Variants in ZNF519 observed in about 807,000 individuals in gnomAD.
ZNF519 encodes zinc finger protein 519.
Under a neutral mutation model 7.4 loss-of-function variants are expected in ZNF519, and 7 were observed. The ratio of observed to expected loss-of-function variants is 0.94; its 90% CI spans 0.54 to 1.77. The LOEUF (loss-of-function observed/expected upper bound fraction) is 1.77, where lower values mean the gene tolerates loss of function less well. Ranked by LOEUF, ZNF519 falls within the 40% of genes most tolerant of loss-of-function variation. The pLI is 0.00. For missense variants in ZNF519, 586 were observed against 623.1 expected (o/e 0.94, Z 0.63); for synonymous variants, 179 against 203.3 (o/e 0.88, Z 1.02).
chr18:14,124,282 C>T (rs1249689524), intron 2 of ZNF519, 68 bp downstream of exon 2: 1 of 1,425,332 alleles, frequency 7.0e-7, no homozygotes, highest in East Asian at 2.5e-5. Context: ...TCTCAAGAGA[C>T]AGTCTACAAA....
chr18:14,119,770 T>C (rs1181093976), intron 2 of ZNF519, among the ~76,000 whole-genome samples: 1 of 152,082 alleles, frequency 6.6e-6, no homozygotes, highest in Non-Finnish European at 1.5e-5. Flanking sequence ...ATACAAATAT[T>C]TGTTGCATTT....
intron 2 of ZNF519, among the ~76,000 whole-genome samples, chr18:14,111,169 T>TA (rs34240654): frequency 0.37 from 33,284 of 90,650 alleles, 5,635 homozygotes; most frequent in South Asian, 0.46. Flanking sequence ...AGTTGTTTTC[T>TA]AAAAAAAAAA....
intron 2 of ZNF519, among the ~76,000 whole-genome samples, chr18:14,086,988 C>G (rs990159416): frequency 2.0e-5 from 3 of 151,976 alleles, no homozygotes; most frequent in Admixed American, 2.0e-4. Context: ...CAAAAATCCT[C>G]ACAAAATACT....
rs574184199 is a variant in ZNF519 at position 14,124,474 on chromosome 18, T to A, written c.6A>T (p.Glu2Asp). M[E>D]LLTFRDVAIE... Reference sequence around the variant, plus strand: ...TGGCCACATCCCTGAATGTTAAGAGTTCCTGGAAACACATATATCAAGTGA... The same window carrying A: ...TGGCCACATCCCTGAATGTTAAGAGATCCTGGAAACACATATATCAAGTGA... The change falls in exon 2 of 3, where the codon GAA (glutamate) becomes GAT (aspartate). Residue 2 changes from glutamate to aspartate, a missense_variant and splice_region_variant. Glu to Asp is a conservative substitution (Grantham distance 45, BLOSUM62 2). Coordinates refer to ENST00000590202, the MANE Select transcript of ZNF519 (RefSeq NM_145287.4). The A allele has an allele frequency of 4.5e-5, 73 of 1,608,598 alleles. No individual in the cohort carries two copies. The African/African-American group carries it at 8.3e-4, about 18-fold the overall frequency.
chr18:14,096,218 T>C (rs553628687), downstream of ZNF519, among the ~76,000 whole-genome samples: 4 of 152,318 alleles, frequency 2.6e-5, no homozygotes, highest in East Asian at 3.9e-4. Flanking sequence ...TCTCTCTCTA[T>C]GCTGCACTGT....
downstream of ZNF519, chr18:14,075,456 A>G (rs34948322): frequency 0.26 from 38,814 of 152,140 alleles, 5,408 homozygotes; most frequent in South Asian, 0.37. Flanking sequence ...AGTGGTGCCA[A>G]TGCACACAGC....
At chr18:14,129,457 C>CT (rs2046318807) in intron 1 of ZNF519, among the ~76,000 whole-genome samples, 1 of 152,040 alleles carries the variant, frequency 6.6e-6, no homozygotes, top group Non-Finnish European at 1.5e-5. Context: ...CTCCTTCACT[C>CT]TAAGCTCTCG....
intron 2 of ZNF519, among the ~76,000 whole-genome samples, chr18:14,108,043 G>A (rs540149219): frequency 3.3e-5 from 5 of 152,144 alleles, no homozygotes; most frequent in Non-Finnish European, 7.3e-5. Flanking sequence ...CAAGCCCTTT[G>A]TAGGATACCA....
intron 3 of ZNF519, among the ~76,000 whole-genome samples, chr18:14,078,542 C>T (rs1221522069): frequency 2.0e-5 from 3 of 152,018 alleles, no homozygotes; most frequent in Non-Finnish European, 4.4e-5. Flanking sequence ...CTAAATTATT[C>T]AAGAGTTTTA....
In ZNF519 at chr18:14,104,883, G is replaced by A. The variant is rs1228232219; in HGVS notation, c.*34C>T. 39 of 1,489,292 alleles carry A rather than the reference G, an allele frequency of 2.6e-5. No individual in the cohort carries two copies. The Admixed American group carries it at 4.3e-4, about 17-fold the overall frequency. 92.3% of individuals were successfully genotyped at this position (1,489,292 alleles called of 1,614,324 possible). A position where few individuals can be genotyped will look rare whatever the true frequency, so the allele number is the denominator to read the frequency against. On this transcript the variant is annotated 3_prime_UTR_variant, in exon 3 of 3. Coordinates refer to ENST00000590202, the MANE Select transcript of ZNF519 (RefSeq NM_145287.4). ...TGAGTAAGGTGTGAGCACCAGTTTAGGGTTTTAGCACATTCTTTACACTTG... is the reference window on the plus strand; with the variant it reads ...TGAGTAAGGTGTGAGCACCAGTTTAAGGTTTTAGCACATTCTTTACACTTG...
rs1251523903 is a variant in ZNF519, at chr18:14,105,273, G to T, written c.1267C>A (p.Gln423Lys). 1.6e-5 allele frequency: 25 copies of T among 1,607,450 alleles called. No individual in the cohort carries two copies. Among genetic ancestry groups the T allele is most frequent in the Non-Finnish European group, 2.0e-5 (24 of 1,174,244 alleles). Reference sequence around the variant, plus strand: ...TGTTTCTCTCCAGTATGGATTCTCTGATGTTGAGTAAGGTGTGAAGCTCTG... The same window carrying T: ...TGTTTCTCTCCAGTATGGATTCTCTTATGTTGAGTAAGGTGTGAAGCTCTG... ...FNRASHLTQH[Q>K]RIHTGEKHFK... Residue 423 changes from glutamine (Q) to lysine (K), a missense_variant, in exon 3 of 3, where the codon CAG becomes AAG. Gln to Lys is a moderately conservative substitution (Grantham distance 53). Transcript: ENST00000590202.
chr18:14,123,373 T>A (rs1348710341), intron 2 of ZNF519, among the ~76,000 whole-genome samples: 3 of 152,178 alleles, frequency 2.0e-5, no homozygotes, highest in Non-Finnish European at 4.4e-5. Context: ...TATTTAAGTA[T>A]TTTAAATCTG....
chr18:14,129,704 T>C (rs1464106148), intron 1 of ZNF519, among the ~76,000 whole-genome samples: 3 of 152,264 alleles, frequency 2.0e-5, no homozygotes, highest in Non-Finnish European at 4.4e-5. Flanking sequence ...AGAGTCAGCA[T>C]AGATCCCACA....
At chr18:14,071,992 A>G (rs1214141949), downstream of ZNF519, 1 of 152,238 alleles carries the variant, frequency 6.6e-6, no homozygotes, top group Admixed American at 6.5e-5. Flanking sequence ...CTGTGTTTGC[A>G]GCACAGTGGA....
chr18:14,128,373 A>C (rs113623668), intron 1 of ZNF519, among the ~76,000 whole-genome samples: 1 of 152,190 alleles, frequency 6.6e-6, no homozygotes. Flanking sequence ...CTAAAATGTG[A>C]TGTGCATCAC....
intron 2 of ZNF519, chr18:14,090,313 T>G (rs887288708): frequency 6.6e-6 from 1 of 152,204 alleles, no homozygotes; most frequent in Non-Finnish European, 1.5e-5. Flanking sequence ...TGTTTCAGTA[T>G]AGCCACCCTT....
chr18:14,123,960 TC>T (rs2046283220), intron 2 of ZNF519: 1 of 155,466 alleles, frequency 6.4e-6, no homozygotes, highest in Non-Finnish European at 1.4e-5. Flanking sequence ...TCACCTGAGG[TC>T]AGGAGTTCGA....
At position 14,101,893 on chromosome 18, in the gene ZNF519, C is replaced by A; in HGVS notation, c.*3024G>T. On this transcript the variant is annotated 3_prime_UTR_variant, in exon 3 of 3. Coordinates refer to ENST00000590202, the MANE Select transcript of ZNF519 (RefSeq NM_145287.4). ...GGCACAGACCAGAGTCTACATAAAC[C>A]TCCTGCCCTCTACTTTTTCTCCTAA... The A allele has an allele frequency of 2.5e-6, 1 of 396,418 alleles. No individual in the cohort carries two copies. The highest frequency in any genetic ancestry group is 4.4e-6 in the Non-Finnish European group (1 of 225,260). 24.6% of individuals were successfully genotyped at this position (396,418 alleles called of 1,614,324 possible).
chr18:14,108,972 T>C (rs1942011070), intron 2 of ZNF519, among the ~76,000 whole-genome samples: 1 of 151,974 alleles, frequency 6.6e-6, no homozygotes. Flanking sequence ...CCGGGCATGG[T>C]GGCACATGCC....
Sources: gnomAD v4.1 joint callset for allele counts (sites outside exome capture counted in the v4.1 genomes callset) on GRCh38, gnomAD v4.1.1 for gene constraint, MANE v1.5 for transcripts, NCBI Gene and HGNC (gene_info 2026-07-23, HGNC 2026-07-21) for gene names.